Variants in NETO2 observed in about 807,000 individuals in gnomAD.
NETO2 encodes the protein neuropilin and tolloid-like protein 2.
Under a neutral mutation model 62.5 loss-of-function variants are expected in NETO2, and 28 were observed. The ratio of observed to expected loss-of-function variants is 0.45; its 90% CI spans 0.33 to 0.61. The LOEUF is 0.61. Among genes scored for constraint, NETO2 ranks in the 20% least tolerant of loss-of-function variants. The pLI is 0.02. For synonymous variants in NETO2, 214 were observed against 219.1 expected (o/e 0.98, Z 0.21); for missense variants, 548 against 643.2 (o/e 0.85, Z 1.60).
At chr16:47,110,816 C>G (rs1017960773) in intron 6 of NETO2, among the ~76,000 whole-genome samples, 1 of 151,780 alleles carries the variant, frequency 6.6e-6, no homozygotes, top group Non-Finnish European at 1.5e-5. Flanking sequence ...CCCCCCCACC[C>G]CACCAAATAC....
intron 8 of NETO2, among the ~76,000 whole-genome samples, chr16:47,085,686 A>G (rs1567378263): frequency 6.6e-6 from 1 of 151,872 alleles, no homozygotes; most frequent in African/African-American, 2.4e-5. Context: ...GCCTGGCCAC[A>G]ATACACTTTA....
At chr16:47,120,823 A>G (rs925968842) in intron 6 of NETO2, among the ~76,000 whole-genome samples, 2 of 152,066 alleles carry the variant, frequency 1.3e-5, no homozygotes. Context: ...GTACAATGTC[A>G]GTGTCACTTA....
At chr16:47,104,626 C>CT (rs1001150724) in intron 7 of NETO2, among the ~76,000 whole-genome samples, 25 of 152,342 alleles carry the variant, frequency 1.6e-4, no homozygotes, top group Admixed American at 5.9e-4. Context: ...GATTTCAAAA[C>CT]TTACTACAAA....
chr16:47,100,493 A>C (rs1596712299), intron 7 of NETO2, among the ~76,000 whole-genome samples: 1 of 151,664 alleles, frequency 6.6e-6, no homozygotes, highest in Non-Finnish European at 1.5e-5. Flanking sequence ...ACAAAAAAAA[A>C]CAAAAGCAAT....
chr16:47,139,298 T>C (rs1028377397), intron 1 of NETO2, among the ~76,000 whole-genome samples: 5 of 152,154 alleles, frequency 3.3e-5, no homozygotes, highest in Non-Finnish European at 4.4e-5. Flanking sequence ...TAGCCACACA[T>C]GTGACCTTGC....
In NETO2 at chr16:47,128,368, C is replaced by T. The variant is rs1360257502; in HGVS notation, c.438G>A (p.Glu146=). Residue 146 remains glutamate, a synonymous_variant, in exon 4 of 9, where the codon GAG becomes GAA. Coordinates refer to ENST00000562435, the MANE Select transcript of NETO2 (RefSeq NM_018092.5). ...FMWIKFSSDE[E]LEGLGFRAKY... ...TTGCTCGAAATCCCAGTCCTTCAAG[C>T]TCTTCATCAGAACTAAACTTAATCC... 1 of 1,614,040 alleles carries T rather than the reference C, an allele frequency of 6.2e-7. No individual in the cohort carries two copies. The highest frequency in any genetic ancestry group is 8.5e-7 in the Non-Finnish European group (1 of 1,179,970).
At chr16:47,091,921 C>T (rs1596703574) in intron 7 of NETO2, among the ~76,000 whole-genome samples, 1 of 152,170 alleles carries the variant, frequency 6.6e-6, no homozygotes, top group South Asian at 2.1e-4. Flanking sequence ...CAGCTCACTG[C>T]AGCCTCAACC....
chr16:47,107,025 G>A (rs910029795), intron 7 of NETO2, among the ~76,000 whole-genome samples: 2 of 152,062 alleles, frequency 1.3e-5, no homozygotes, highest in East Asian at 3.8e-4. Flanking sequence ...CAAGTGATCC[G>A]CCGACCTTGG....
chr16:47,141,880 C>T (rs1034279200), intron 1 of NETO2, among the ~76,000 whole-genome samples: 3 of 152,202 alleles, frequency 2.0e-5, no homozygotes, highest in African/African-American at 7.2e-5. Flanking sequence ...TGTGCACCCA[C>T]GGGAAAGGCA....
chr16:47,137,813 T>C (rs530299722), intron 1 of NETO2, among the ~76,000 whole-genome samples: 1 of 152,326 alleles, frequency 6.6e-6, no homozygotes, highest in South Asian at 2.1e-4. Context: ...AGGTTTGGCA[T>C]GAGTAACAGA....
intron 7 of NETO2, among the ~76,000 whole-genome samples, chr16:47,104,801 C>T (rs1963635624): frequency 6.6e-6 from 1 of 152,096 alleles, no homozygotes; most frequent in Admixed American, 6.5e-5. Flanking sequence ...CTCGCTGTGA[C>T]CTCTGCCTCC....
Position 47,128,448 on chromosome 16 carries a change from G to A in NETO2, c.358C>T (p.Arg120Cys), listed in dbSNP as rs1383778010. The A allele has an allele frequency of 3.1e-6, 5 of 1,613,884 alleles. No individual in the cohort carries two copies. Among genetic ancestry groups the A allele is most frequent in the Non-Finnish European group, 2.5e-6 (3 of 1,179,986 alleles). ...GPFGFSPLID[R>C]YCGVKSPPLI... The stretch of plus-strand genomic sequence containing the variant: ...GGAGGGCTTTTCACGCCACAGTAAC[G>A]ATCTATAAGAGGAGAGAAACCAAAT... The change falls in exon 4 of 9, where the codon CGT becomes TGT. Residue 120 changes from arginine to cysteine, a missense_variant. Arg to Cys is a radical substitution (Grantham distance 180, BLOSUM62 -3). Transcript: ENST00000562435.
At chr16:47,114,234 T>C (rs1438819002) in intron 6 of NETO2, among the ~76,000 whole-genome samples, 1 of 152,110 alleles carries the variant, frequency 6.6e-6, no homozygotes, top group Non-Finnish European at 1.5e-5. Flanking sequence ...ATTTTTGTAA[T>C]GATTAAATCT....
At chr16:47,106,782 AT>A (rs200326857) in intron 7 of NETO2, among the ~76,000 whole-genome samples, 365 of 144,404 alleles carry the variant, frequency 2.5e-3, no homozygotes, top group Middle Eastern at 3.6e-3. Context: ...CCAGGATATA[AT>A]TTTTTTTTTT....
At chr16:47,114,448 T>C (rs1285456677) in intron 6 of NETO2, among the ~76,000 whole-genome samples, 178 of 115,994 alleles carry the variant, frequency 1.5e-3, no homozygotes, top group African/African-American at 5.9e-3. Flanking sequence ...TCTTTTTTTT[T>C]TTTTTTTTTT....
chr16:47,094,961 C>T lies in NETO2; in HGVS notation c.884-8622G>A, dbSNP rs1052116250. ...CTGAGCTCAAGCGATCCACCCGCCT[C>T]GGCCTCACAAAAGCTGGAATTACAT... On this transcript the variant is annotated intron_variant, in intron 7 of 8. Coordinates refer to ENST00000562435, the MANE Select transcript of NETO2 (RefSeq NM_018092.5). Among the ~76,000 whole-genome samples the T allele has an allele frequency of 4.6e-5, 7 of 152,134 alleles. No homozygotes were observed. In the East Asian group the frequency reaches 7.7e-4, roughly 17 times the overall value.
At chr16:47,096,029 G>A (rs1290821205) in intron 7 of NETO2, among the ~76,000 whole-genome samples, 1 of 152,086 alleles carries the variant, frequency 6.6e-6, no homozygotes, top group South Asian at 2.1e-4. Context: ...ACAAGTCTGT[G>A]TAAATTAAAC....
chr16:47,129,268 G>A lies in NETO2; in HGVS notation c.188C>T (p.Pro63Leu). Residue 63 changes from proline (P) to leucine (L), a missense_variant, in exon 3 of 9, where the codon CCT becomes CTT. Physicochemically the swap from Pro to Leu is moderately conservative, Grantham distance 98. Transcript: ENST00000562435. ...CTCCTTGTTTGGTGGATATGAGTCA[G>A]GATAATTTGGCGAAGCAAAATGACC... ...NGGHFASPNY[P>L]DSYPPNKECI... The A allele has an allele frequency of 6.2e-7, 1 of 1,614,004 alleles. No homozygotes were observed. The highest frequency in any genetic ancestry group is 8.5e-7 in the Non-Finnish European group (1 of 1,179,924).
intron 6 of NETO2, among the ~76,000 whole-genome samples, chr16:47,117,739 T>C (rs1963951595): frequency 6.6e-6 from 1 of 152,192 alleles, no homozygotes; most frequent in Non-Finnish European, 1.5e-5. Context: ...TCCTACTCTT[T>C]GAGAGTGTTT....
Sources: gnomAD v4.1 joint callset for allele counts (sites outside exome capture counted in the v4.1 genomes callset) on GRCh38, gnomAD v4.1.1 for gene constraint, MANE v1.5 for transcripts, NCBI Gene and HGNC (gene_info 2026-07-23, HGNC 2026-07-21) for gene names.